MME: variants seen among roughly 807,000 people sequenced by gnomAD.
MME encodes neprilysin.
MME carries 98 observed loss-of-function variants against 113.2 expected under a neutral mutation model. That is an observed-to-expected ratio of 0.87 (90% confidence interval 0.74 to 1.02). The LOEUF is 1.02. Ranked by LOEUF, MME falls within the 50% of genes least tolerant of loss-of-function variation. The pLI is 0.00. For synonymous variants in MME, 292 were observed against 300.6 expected (o/e 0.97, Z 0.30); for missense variants, 836 against 896.0 (o/e 0.93, Z 0.86).
intron 12 of MME, 79 bp downstream of exon 12, chr3:155,142,409 C>T (rs1427121634): frequency 1.7e-6 from 2 of 1,177,632 alleles, no homozygotes; most frequent in Non-Finnish European, 2.5e-6. Flanking sequence ...ATGTACACTG[C>T]TAGGACATGG....
intron 3 of MME, among the ~76,000 whole-genome samples, chr3:155,101,226 C>T (rs779905897): frequency 6.6e-6 from 1 of 152,164 alleles, no homozygotes. Flanking sequence ...AGCCATGAGC[C>T]AATTAAACCT....
At chr3:155,031,804 C>T (rs1293848188) in intron 1 of MME, among the ~76,000 whole-genome samples, 1 of 152,100 alleles carries the variant, frequency 6.6e-6, no homozygotes, top group Non-Finnish European at 1.5e-5. Flanking sequence ...ATTACAGGTG[C>T]CCACCACCAC....
intron 1 of MME, among the ~76,000 whole-genome samples, chr3:155,069,214 AAGAG>A (rs1288016795): frequency 6.6e-6 from 1 of 152,220 alleles, no homozygotes; most frequent in Non-Finnish European, 1.5e-5. Flanking sequence ...AAATTCTAGA[AAGAG>A]AGAGATGAAA....
In MME at chr3:155,165,646, G is replaced by A. The variant is rs191630882; in HGVS notation, c.1661-1256G>A. Among the ~76,000 whole-genome samples, 23 of 152,270 alleles carry A rather than the reference G, an allele frequency of 1.5e-4. No homozygotes were observed. The East Asian group carries it at 2.5e-3, about 17-fold the overall frequency. ...TTTAGAATAGATTGTAGTTGTGTGA[G>A]ACAGAAAGTGGGAGACTGATTAGGA... On this transcript the variant is annotated intron_variant, in intron 17 of 22. Coordinates refer to ENST00000360490, the MANE Select transcript of MME (RefSeq NM_007289.4).
chr3:155,039,042 A>G (rs1713221271), intron 1 of MME, among the ~76,000 whole-genome samples: 1 of 152,176 alleles, frequency 6.6e-6, no homozygotes, highest in South Asian at 2.1e-4. Flanking sequence ...CCATACTGTG[A>G]TCTTCTTATT....
upstream of MME, among the ~76,000 whole-genome samples, chr3:155,074,928 C>G (rs529439096): frequency 1.7e-4 from 26 of 152,062 alleles, no homozygotes; most frequent in South Asian, 8.3e-4. Context: ...AAAAAATATA[C>G]AGTCTCCAAT....
rs200973878 is a variant in MME at position 155,160,428 on chromosome 3, C to T, written c.1640C>T (p.Ser547Phe). The T allele has an allele frequency of 3.7e-6, 6 of 1,607,038 alleles. No individual in the cohort carries two copies. Among genetic ancestry groups the T allele is most frequent in the Non-Finnish European group, 5.1e-6 (6 of 1,173,974 alleles). The change falls in exon 17 of 23, where the codon TCT becomes TTT. Residue 547 changes from serine (S) to phenylalanine (F), a missense_variant. Physicochemically the swap from Ser to Phe is radical, Grantham distance 155. Coordinates refer to ENST00000360490, the MANE Select transcript of MME (RefSeq NM_007289.4). ...GCAGCTGTAGTCAATGCATTTTACT[C>T]TTCAGGAAGAAATCAGATAGGTAAG... The part of the protein sequence containing the change: ...SGAAVVNAFY[S>F]SGRNQIVFPA...
chr3:155,103,513 T>C (rs1203136996), intron 3 of MME, among the ~76,000 whole-genome samples: 2 of 152,224 alleles, frequency 1.3e-5, no homozygotes, highest in Non-Finnish European at 2.9e-5. Flanking sequence ...ACCTTGCTAA[T>C]TCTACCCTCC....
intron 3 of MME, among the ~76,000 whole-genome samples, chr3:155,100,241 G>T (rs566217138): frequency 6.6e-6 from 1 of 152,188 alleles, no homozygotes; most frequent in Non-Finnish European, 1.5e-5. Flanking sequence ...AGTGGGCAAA[G>T]GATATGAACA....
At chr3:155,125,013 C>A (rs1360636917) in intron 8 of MME, among the ~76,000 whole-genome samples, 1 of 151,968 alleles carries the variant, frequency 6.6e-6, no homozygotes, top group Non-Finnish European at 1.5e-5. Flanking sequence ...CGCCCCTCCC[C>A]CAGCCTCGCT....
intron 3 of MME, among the ~76,000 whole-genome samples, chr3:155,108,091 T>G (rs1021398647): frequency 6.6e-6 from 1 of 152,196 alleles, no homozygotes; most frequent in African/African-American, 2.4e-5. Context: ...TATGTATTAA[T>G]CATCTGTGTG....
intron 3 of MME, among the ~76,000 whole-genome samples, chr3:155,097,913 C>A (rs1716875539): frequency 6.6e-6 from 1 of 152,092 alleles, no homozygotes; most frequent in South Asian, 2.1e-4. Context: ...TTAAACCAGG[C>A]AGTTGTGGGG....
intron 14 of MME, among the ~76,000 whole-genome samples, chr3:155,145,838 A>G (rs1289287593): frequency 1.3e-5 from 2 of 152,204 alleles, no homozygotes; most frequent in Non-Finnish European, 2.9e-5. Context: ...TACAGTAAAT[A>G]AAGTATCATT....
chr3:155,049,625 GTATA>G (rs904052381), intron 1 of MME, among the ~76,000 whole-genome samples: 9 of 134,874 alleles, frequency 6.7e-5, no homozygotes, highest in Admixed American at 1.6e-4. Flanking sequence ...TATCATCTTA[GTATA>G]TCTATCTATC....
chr3:155,048,115 C>G (rs900861896), intron 1 of MME, among the ~76,000 whole-genome samples: 2 of 152,128 alleles, frequency 1.3e-5, no homozygotes, highest in African/African-American at 4.8e-5. Context: ...CTGTTATGTG[C>G]TAATTTGGTC....
At chr3:155,042,401 T>C (rs756407445) in intron 1 of MME, among the ~76,000 whole-genome samples, 18 of 152,150 alleles carry the variant, frequency 1.2e-4, no homozygotes, top group Non-Finnish European at 1.6e-4. Context: ...TCATGCCCAG[T>C]CTTTCTCCTG....
At chr3:155,034,160 G>A (rs1713057906) in intron 1 of MME, among the ~76,000 whole-genome samples, 1 of 152,100 alleles carries the variant, frequency 6.6e-6, no homozygotes, top group Non-Finnish European at 1.5e-5. Context: ...CTGTATACAA[G>A]ATTAAAATAG....
chr3:155,118,736 T>A lies in MME; in HGVS notation c.655-10T>A. 6.5e-7 allele frequency: 1 copy of A among 1,540,958 alleles called. No homozygotes were observed. ...AATGATTTATTTTCTTTTATGTATA[T>A]TTTTTATAGATTGACCAACCTCGAC... On this transcript the variant is annotated splice_polypyrimidine_tract_variant and intron_variant, in intron 7 of 22. Transcript: ENST00000360490.
intron 3 of MME, among the ~76,000 whole-genome samples, chr3:155,092,934 C>T (rs1476932643): frequency 1.3e-5 from 2 of 151,886 alleles, no homozygotes; most frequent in Non-Finnish European, 2.9e-5. Context: ...AAATTCTCAG[C>T]TTTTTGGCTA....
Sources: gnomAD v4.1 joint callset for allele counts (sites outside exome capture counted in the v4.1 genomes callset) on GRCh38, gnomAD v4.1.1 for gene constraint, MANE v1.5 for transcripts, NCBI Gene and HGNC (gene_info 2026-07-23, HGNC 2026-07-21) for gene names.